The following PARPBP variants were observed in gnomAD, a reference collection of about 807,000 sequenced individuals.
PARPBP encodes the protein PARP1 binding protein.
Under a neutral mutation model 50.0 loss-of-function variants are expected in PARPBP, and 52 were observed. The ratio of observed to expected loss-of-function variants is 1.04; its 90% CI spans 0.83 to 1.31. PARPBP has a LOEUF of 1.31. Among genes scored for constraint, PARPBP ranks in the 50% most tolerant of loss-of-function variants. The pLI is 0.00. For synonymous variants in PARPBP, 244 were observed against 232.1 expected, an observed-to-expected ratio of 1.05 and a Z score of -0.47; for missense variants, 697 against 672.0, an observed-to-expected ratio of 1.04 and a Z score of -0.41.
intron 4 of PARPBP, among the ~76,000 whole-genome samples, chr12:102,158,832 GA>G (rs1445239039): frequency 1.3e-5 from 2 of 151,986 alleles, no homozygotes; most frequent in Non-Finnish European, 2.9e-5. Flanking sequence ...TTGTATATGT[GA>G]AAAGAATTAA....
At chr12:102,187,403 G>A (rs1890394913) in intron 9 of PARPBP, among the ~76,000 whole-genome samples, 2 of 152,150 alleles carry the variant, frequency 1.3e-5, no homozygotes, top group East Asian at 1.9e-4. Flanking sequence ...CAATGGAAGA[G>A]GAATATAGAC....
intron 4 of PARPBP, among the ~76,000 whole-genome samples, chr12:102,160,959 A>AAT (rs1555218068): frequency 3.0e-4 from 45 of 151,522 alleles, no homozygotes; most frequent in African/African-American, 7.7e-4. Flanking sequence ...AAAAAAAAAA[A>AAT]ATATATATAT....
chr12:102,122,026 T>A (rs540257362), intron 1 of PARPBP, among the ~76,000 whole-genome samples: 1 of 152,158 alleles, frequency 6.6e-6, no homozygotes, highest in South Asian at 2.1e-4. Flanking sequence ...GGAAAGGTGA[T>A]GTAACTTGGC....
intron 6 of PARPBP, among the ~76,000 whole-genome samples, chr12:102,167,058 T>C (rs1042419876): frequency 6.6e-6 from 1 of 152,170 alleles, no homozygotes; most frequent in African/African-American, 2.4e-5. Context: ...AAGATATTCC[T>C]TCTGGAAAGT....
intron 2 of PARPBP, among the ~76,000 whole-genome samples, chr12:102,128,838 C>T (rs1238851735): frequency 1.3e-5 from 2 of 152,148 alleles, no homozygotes; most frequent in Non-Finnish European, 2.9e-5. Flanking sequence ...TGGATATATA[C>T]CCAGTATTGG....
At chr12:102,167,073 T>G (rs1307671300) in intron 6 of PARPBP, among the ~76,000 whole-genome samples, 1 of 152,174 alleles carries the variant, frequency 6.6e-6, no homozygotes, top group Admixed American at 6.5e-5. Context: ...GAAAGTCCCC[T>G]GTCATCTTTA....
chr12:102,157,607 A>G (rs1460888390), intron 4 of PARPBP, among the ~76,000 whole-genome samples: 1 of 152,118 alleles, frequency 6.6e-6, no homozygotes, highest in African/African-American at 2.4e-5. Flanking sequence ...GATGCAGAGT[A>G]TTTCATTTTA....
At chr12:102,134,695 T>A (rs1883361790) in intron 2 of PARPBP, among the ~76,000 whole-genome samples, 1 of 152,180 alleles carries the variant, frequency 6.6e-6, no homozygotes, top group East Asian at 1.9e-4. Context: ...GTTTTTGCTG[T>A]GAGACAGGCT....
intron 2 of PARPBP, among the ~76,000 whole-genome samples, chr12:102,142,132 G>A (rs1884704494): frequency 6.6e-6 from 1 of 152,190 alleles, no homozygotes; most frequent in South Asian, 2.1e-4. Context: ...CCAATCAGAT[G>A]TAAATTTGGT....
In PARPBP at chr12:102,197,474, T is replaced by A; in HGVS notation, c.*1183T>A. On this transcript the variant is annotated 3_prime_UTR_variant, in exon 11 of 11. Coordinates refer to ENST00000327680, the MANE Select transcript of PARPBP (RefSeq NM_017915.5). ...TTACTTTTCAGAGGATTTGTAAGAA[T>A]CATTTAAATTTTCATTGAAATAAAC... The A allele has an allele frequency of 6.6e-7, 1 of 1,510,130 alleles. No individual in the cohort carries two copies. The highest frequency in any genetic ancestry group is 1.4e-5 in the African/African-American group (1 of 71,814). The allele number at this position is 1,510,130 out of a possible 1,614,324, so 93.5% of individuals were successfully genotyped here. A position where few individuals can be genotyped will look rare whatever the true frequency, so the allele number is the denominator to read the frequency against.
chr12:102,121,151 T>G (rs1418190290), intron 1 of PARPBP, among the ~76,000 whole-genome samples: 1 of 152,194 alleles, frequency 6.6e-6, no homozygotes, highest in Non-Finnish European at 1.5e-5. Context: ...CGTGTAAGGC[T>G]TATGGCATAG....
intron 2 of PARPBP, among the ~76,000 whole-genome samples, chr12:102,142,099 T>C (rs1397185944): frequency 6.6e-6 from 1 of 152,228 alleles, no homozygotes; most frequent in East Asian, 1.9e-4. Context: ...TTGGTTCCAT[T>C]CTCCCCGTCA....
intron 2 of PARPBP, among the ~76,000 whole-genome samples, chr12:102,143,236 A>C (rs1447903678): frequency 6.6e-6 from 1 of 152,092 alleles, no homozygotes; most frequent in Non-Finnish European, 1.5e-5. Context: ...ATCTCAGACT[A>C]ATGTGCTAGC....
intron 9 of PARPBP, among the ~76,000 whole-genome samples, chr12:102,192,475 G>A (rs1302184127): frequency 6.6e-6 from 1 of 151,936 alleles, no homozygotes; most frequent in South Asian, 2.1e-4. Flanking sequence ...TTATCTTTTT[G>A]TGCTGCTTTC....
chr12:102,124,930 G>A (rs1881738468), intron 2 of PARPBP, among the ~76,000 whole-genome samples: 1 of 152,088 alleles, frequency 6.6e-6, no homozygotes. Flanking sequence ...AGAAAAAATA[G>A]TTACTATATA....
intron 2 of PARPBP, among the ~76,000 whole-genome samples, chr12:102,134,307 A>G (rs1883315446): frequency 6.6e-6 from 1 of 152,040 alleles, no homozygotes; most frequent in African/African-American, 2.4e-5. Context: ...ACAGGTCATA[A>G]AAGACTACTA....
intron 6 of PARPBP, among the ~76,000 whole-genome samples, chr12:102,166,669 G>C (rs1285627946): frequency 1.3e-5 from 2 of 152,108 alleles, no homozygotes; most frequent in Admixed American, 1.3e-4. Context: ...CTTGCCCTAG[G>C]TTATATTAAG....
intron 3 of PARPBP, chr12:102,150,478 G>A: frequency 3.0e-6 from 1 of 333,880 alleles, no homozygotes; most frequent in Non-Finnish European, 5.8e-6. Context: ...AATAAGGTAG[G>A]GATTATGAGG....
At chr12:102,155,970 G>T (rs1300454116) in intron 4 of PARPBP, among the ~76,000 whole-genome samples, 1 of 152,058 alleles carries the variant, frequency 6.6e-6, no homozygotes, top group Non-Finnish European at 1.5e-5. Context: ...TCTCTTCCGT[G>T]ACCCACGGCT....
Sources: gnomAD v4.1 joint callset for allele counts (sites outside exome capture counted in the v4.1 genomes callset) on GRCh38, gnomAD v4.1.1 for gene constraint, MANE v1.5 for transcripts, NCBI Gene and HGNC (gene_info 2026-07-23, HGNC 2026-07-21) for gene names.